The following LTBP1 variants were observed in gnomAD, a reference collection of about 807,000 sequenced individuals.
The protein encoded by LTBP1 is latent transforming growth factor beta binding protein 1.
A neutral mutation model predicts 207.6 loss-of-function variants in LTBP1; 129 were observed. That is an observed-to-expected ratio of 0.62 (90% CI 0.54 to 0.72). LTBP1 has a LOEUF of 0.72. LTBP1 is among the 30% of genes least tolerant of loss of function. The pLI is 0.00. For synonymous variants in LTBP1, 963 were observed against 833.7 expected, an observed-to-expected ratio of 1.16 and a Z score of -2.67; for missense variants, 2,281 against 2,217.2, an observed-to-expected ratio of 1.03 and a Z score of -0.58.
chr2:32,975,554 A>T (rs180900036), intron 2 of LTBP1, among the ~76,000 whole-genome samples: 1 of 126,420 alleles, frequency 7.9e-6, no homozygotes, highest in African/African-American at 3.3e-5. Flanking sequence ...ACATAATCCC[A>T]TATTTGTTGG....
intron 19 of LTBP1, among the ~76,000 whole-genome samples, chr2:33,292,272 A>G (rs938861706): frequency 1.3e-5 from 2 of 152,242 alleles, no homozygotes; most frequent in Non-Finnish European, 2.9e-5. Context: ...GTGTTAGCAA[A>G]TAATAAAAAC....
chr2:33,327,213 A>G (rs2094439054), intron 24 of LTBP1, among the ~76,000 whole-genome samples: 5 of 152,290 alleles, frequency 3.3e-5, no homozygotes, highest in South Asian at 4.1e-4. Context: ...CTCCTTATGA[A>G]TGCTTTACAG....
At chr2:33,394,776 T>G (rs2095344494) in intron 32 of LTBP1, among the ~76,000 whole-genome samples, 1 of 152,226 alleles carries the variant, frequency 6.6e-6, no homozygotes. Flanking sequence ...TAGGATTGTC[T>G]TGGCAATGCA....
chr2:33,382,396 A>G (rs1433509293), intron 31 of LTBP1, among the ~76,000 whole-genome samples: 2 of 151,936 alleles, frequency 1.3e-5, no homozygotes, highest in African/African-American at 2.4e-5. Context: ...TGCCCAGTCT[A>G]GCTTCCCTAA....
At chr2:32,957,006 A>G (rs1260891591) in intron 2 of LTBP1, among the ~76,000 whole-genome samples, 2 of 152,210 alleles carry the variant, frequency 1.3e-5, no homozygotes, top group Admixed American at 6.5e-5. Flanking sequence ...GGGTTAAAAC[A>G]TTCAGTTAAC....
At chr2:33,290,323 G>A in intron 19 of LTBP1, among the ~76,000 whole-genome samples, 1 of 152,182 alleles carries the variant, frequency 6.6e-6, no homozygotes, top group East Asian at 1.9e-4. Flanking sequence ...TCAAAGCATA[G>A]CACTTCTTAT....
intron 2 of LTBP1, among the ~76,000 whole-genome samples, chr2:33,000,086 T>G (rs1685876201): frequency 7.4e-6 from 1 of 134,262 alleles, no homozygotes; most frequent in South Asian, 2.6e-4. Context: ...CCCAAATTCT[T>G]CTTATGTGAA....
chr2:33,222,181 C>T, intron 9 of LTBP1, 30 bp downstream of exon 9: 2 of 1,521,536 alleles, frequency 1.3e-6, no homozygotes, highest in Non-Finnish European at 1.8e-6. Context: ...TTGATGTGGA[C>T]TCAACAGTTG....
intron 3 of LTBP1, among the ~76,000 whole-genome samples, chr2:33,033,699 G>C (rs1409730021): frequency 6.6e-6 from 1 of 151,164 alleles, no homozygotes; most frequent in Admixed American, 6.6e-5. Flanking sequence ...ACTTTCTTTT[G>C]TATGGAGACG....
At chr2:33,201,670 T>C (rs1054645179) in intron 7 of LTBP1, among the ~76,000 whole-genome samples, 1 of 151,892 alleles carries the variant, frequency 6.6e-6, no homozygotes. Context: ...GAAACAAACT[T>C]CAAGATTAAG....
chr2:33,316,388 A>G (rs966819052), intron 24 of LTBP1, among the ~76,000 whole-genome samples: 1 of 152,242 alleles, frequency 6.6e-6, no homozygotes, highest in Non-Finnish European at 1.5e-5. Context: ...TCTCCTTGCT[A>G]GTACCAGAAT....
At chr2:33,006,769 T>C (rs1335692031) in intron 2 of LTBP1, among the ~76,000 whole-genome samples, 1 of 149,324 alleles carries the variant, frequency 6.7e-6, no homozygotes, top group African/African-American at 2.4e-5. Context: ...TATTCCCTGA[T>C]GAGCCCTTAA....
intron 13 of LTBP1, among the ~76,000 whole-genome samples, chr2:33,260,055 GTT>G (rs2147944030): frequency 6.6e-6 from 1 of 152,292 alleles, no homozygotes; most frequent in Non-Finnish European, 1.5e-5. Context: ...TTTGAATTGA[GTT>G]TGAGTAAGAA....
At chr2:33,106,688 T>C (rs1312654865) in intron 3 of LTBP1, among the ~76,000 whole-genome samples, 3 of 152,116 alleles carry the variant, frequency 2.0e-5, no homozygotes, top group African/African-American at 7.2e-5. Context: ...TGCAAACGCA[T>C]GTGCTGTCAT....
intron 3 of LTBP1, among the ~76,000 whole-genome samples, chr2:33,087,492 G>A (rs1268153758): frequency 6.6e-6 from 1 of 152,158 alleles, no homozygotes; most frequent in Admixed American, 6.5e-5. Flanking sequence ...TCTACTTTAA[G>A]ATGAGAGAAT....
intron 15 of LTBP1, among the ~76,000 whole-genome samples, chr2:33,264,950 A>G (rs1158631884): frequency 6.7e-6 from 1 of 149,052 alleles, no homozygotes; most frequent in Non-Finnish European, 1.5e-5. Flanking sequence ...AGTTGATAGC[A>G]TAAGTTCCAG....
chr2:33,398,316 C>A (rs1156587688), intron 33 of LTBP1, 48 bp from the exon 34 acceptor site: 4 of 1,568,646 alleles, frequency 2.5e-6, no homozygotes, highest in Non-Finnish European at 3.5e-6. Context: ...TGTGTCCTCA[C>A]AGAATAATAT....
chr2:32,959,621 A>ATATATTTTTTTTTTT (rs1475834284), intron 2 of LTBP1, among the ~76,000 whole-genome samples: 3 of 36,666 alleles, frequency 8.2e-5, no homozygotes, highest in Admixed American at 5.3e-4. Flanking sequence ...ATATATATAT[A>ATATATTTTTTTTTTT]TTTTTTTTTT....
At chr2:33,205,410 G>A (rs2089768741) in intron 7 of LTBP1, among the ~76,000 whole-genome samples, 1 of 152,162 alleles carries the variant, frequency 6.6e-6, no homozygotes, top group Admixed American at 6.5e-5. Flanking sequence ...TGAATTGTGG[G>A]TAAATATATT....
Sources: allele counts gnomAD v4.1 joint callset (sites outside exome capture counted in the v4.1 genomes callset), GRCh38; gene constraint gnomAD v4.1.1; transcripts MANE v1.5; gene names NCBI Gene and HGNC (gene_info 2026-07-23, HGNC 2026-07-21).